PDS5A: variants seen among roughly 807,000 people sequenced by gnomAD.
PDS5A encodes PDS5 cohesin associated factor A.
PDS5A carries 42 observed loss-of-function variants against 167.1 expected under a neutral mutation model. That is an observed-to-expected ratio of 0.25 (90% confidence interval 0.20 to 0.33). The LOEUF (loss-of-function observed/expected upper bound fraction) is 0.33, where lower values mean the gene tolerates loss of function less well. PDS5A is among the 10% of genes least tolerant of loss of function. PDS5A has a pLI of 1.00. For synonymous variants in PDS5A, 553 were observed against 554.6 expected, an observed-to-expected ratio of 1.00 and a Z score of 0.04; for missense variants, 1,033 against 1,605.9, an observed-to-expected ratio of 0.64 and a Z score of 6.10.
chr4:39,944,415 G>T (rs759710658), intron 2 of PDS5A, among the ~76,000 whole-genome samples: 2 of 151,816 alleles, frequency 1.3e-5, no homozygotes, highest in Admixed American at 6.6e-5. Context: ...AGAGTGTGGC[G>T]GGGCACAGTG....
chr4:39,933,473 T>C (rs1726280690), intron 2 of PDS5A: 1 of 152,182 alleles, frequency 6.6e-6, no homozygotes, highest in African/African-American at 2.4e-5. Context: ...GCATATATTT[T>C]TACCTACGAG....
intron 2 of PDS5A, chr4:39,936,728 C>A (rs146186778): frequency 1.3e-5 from 2 of 152,072 alleles, no homozygotes; most frequent in African/African-American, 4.8e-5. Flanking sequence ...AACCACTGCA[C>A]CTGGCCTGAA....
chr4:39,970,163 C>A (rs188732002), intron 2 of PDS5A, among the ~76,000 whole-genome samples: 24 of 151,864 alleles, frequency 1.6e-4, no homozygotes, highest in Non-Finnish European at 2.1e-4. Context: ...AATGTAGAAC[C>A]TTAAAGGCTT....
At chr4:39,920,962 T>C (rs1487508537) in intron 6 of PDS5A, among the ~76,000 whole-genome samples, 2 of 152,226 alleles carry the variant, frequency 1.3e-5, no homozygotes, top group East Asian at 3.9e-4. Context: ...CCTTAGAAAA[T>C]ATATTATTTA....
Position 39,862,909 on chromosome 4 carries a change from A to G in PDS5A, c.2931T>C (p.Ser977=), listed in dbSNP as rs1011690793. The change falls in exon 25 of 33, where the codon AGT becomes AGC. Residue 977 remains serine, a synonymous_variant. Transcript: ENST00000303538. ...HARQCLLKNI[S]IRREYIKQNP... ...TCTGCTTAATGTATTCCCTGCGTAT[A>G]CTGATATTTTTCAGTAAACATTGTC... 6.2e-7 allele frequency: 1 copy of G among 1,612,126 alleles called. No individual in the cohort carries two copies. Among genetic ancestry groups the G allele is most frequent in the South Asian group, 1.1e-5 (1 of 91,072 alleles).
chr4:39,976,289 C>G (rs571689598), intron 2 of PDS5A, 151 bp downstream of exon 2: 5 of 566,044 alleles, frequency 8.8e-6, no homozygotes, highest in African/African-American at 1.8e-5. Flanking sequence ...AAAACTCACT[C>G]AAAGATGTTA....
At chr4:39,874,499 G>A in intron 19 of PDS5A, 87 bp from the exon 20 acceptor site, 1 of 1,069,624 alleles carries the variant, frequency 9.3e-7, no homozygotes, top group Non-Finnish European at 1.4e-6. Flanking sequence ...CCCCTATATG[G>A]ATGGATGCTA....
chr4:39,878,273 G>T (rs946416785), intron 18 of PDS5A, among the ~76,000 whole-genome samples: 2 of 152,088 alleles, frequency 1.3e-5, no homozygotes, highest in Non-Finnish European at 2.9e-5. Flanking sequence ...ACAGAAAATT[G>T]GAGAATTAAA....
At chr4:39,880,334 T>G (rs1446274644) in intron 17 of PDS5A, among the ~76,000 whole-genome samples, 1 of 152,186 alleles carries the variant, frequency 6.6e-6, no homozygotes, top group Non-Finnish European at 1.5e-5. Context: ...TTTATAAAGA[T>G]TCATTAATTA....
intron 5 of PDS5A, among the ~76,000 whole-genome samples, chr4:39,923,829 A>G (rs961159858): frequency 1.3e-5 from 2 of 152,162 alleles, no homozygotes; most frequent in Non-Finnish European, 2.9e-5. Context: ...TCAAACTAAG[A>G]TAAAAACCTA....
At chr4:39,924,842 T>C (rs1725308110) in intron 5 of PDS5A, among the ~76,000 whole-genome samples, 1 of 152,232 alleles carries the variant, frequency 6.6e-6, no homozygotes. Flanking sequence ...CTGGGTGTGG[T>C]AGCTCACACC....
intron 2 of PDS5A, among the ~76,000 whole-genome samples, chr4:39,929,267 G>C (rs952872278): frequency 2.0e-5 from 3 of 151,814 alleles, no homozygotes; most frequent in Non-Finnish European, 4.4e-5. Context: ...CAGTGGGCTG[G>C]GGAAGGCAGG....
At position 39,900,461 on chromosome 4, in the gene PDS5A, C is replaced by T; in HGVS notation, c.1546G>A (p.Val516Ile). 1 of 1,584,880 alleles carries T rather than the reference C, an allele frequency of 6.3e-7. No homozygotes were observed. ...WKCQNMLRSH[V>I]RELLDLHKQP... ...TTGTGCAAATCCAATAGTTCGCGTA[C>T]ATGGCTCCGAAGCATGTTCTGACAC... Residue 516 changes from valine to isoleucine, a missense_variant, in exon 14 of 33, where the codon GTA becomes ATA. Around this residue, in one of 4 missense-constraint regions of PDS5A, gnomAD observed 45 missense variants for 40.2 expected, o/e 1.12. Transcript: ENST00000303538.
chr4:39,844,444 T>C (rs1450559028), intron 30 of PDS5A, among the ~76,000 whole-genome samples: 5 of 144,012 alleles, frequency 3.5e-5, no homozygotes, highest in African/African-American at 1.0e-4. Context: ...CATTGCACTC[T>C]AGCCTGGGCG....
rs1158275515 is a variant in PDS5A, at chr4:39,976,503, G to A, written c.75C>T (p.Tyr25=). ...GVVSADGKIA[Y]PPGVKEITDK... is the part of the protein sequence containing the mutation. ...CGGTGATCTCTTTTACCCCCGGAGG[G>A]TAAGCGATCTTCCCGTCGGCACTCA... The change falls in exon 2 of 33, where the codon TAC becomes TAT. Residue 25 remains tyrosine, a synonymous_variant. Coordinates refer to ENST00000303538, the MANE Select transcript of PDS5A (RefSeq NM_001100399.2). 4 of 1,613,212 alleles carry A rather than the reference G, an allele frequency of 2.5e-6. No individual in the cohort carries two copies. Among genetic ancestry groups the A allele is most frequent in the African/African-American group, 2.7e-5 (2 of 74,888 alleles).
At chr4:39,845,292 C>CTAGG (rs1374600360) in intron 29 of PDS5A, among the ~76,000 whole-genome samples, 1 of 152,090 alleles carries the variant, frequency 6.6e-6, no homozygotes, top group African/African-American at 2.4e-5. Flanking sequence ...TTAATAATAA[C>CTAGG]TAGGTAATAT....
At chr4:39,957,386 T>C (rs1049514602) in intron 2 of PDS5A, among the ~76,000 whole-genome samples, 14 of 152,088 alleles carry the variant, frequency 9.2e-5, no homozygotes, top group African/African-American at 3.4e-4. Context: ...ATTAAGTACA[T>C]AAAATGTTGC....
intron 2 of PDS5A, chr4:39,973,405 T>C: frequency 2.5e-6 from 4 of 1,577,710 alleles, no homozygotes; most frequent in South Asian, 1.1e-5. Context: ...AGCATATTTA[T>C]ACTGTGGAAC....
intron 31 of PDS5A, 128 bp from the exon 32 acceptor site, chr4:39,838,336 T>TGTGATGTAAG: frequency 1.5e-6 from 1 of 674,952 alleles, no homozygotes; most frequent in Non-Finnish European, 2.5e-6. Flanking sequence ...ACTGCTTACA[T>TGTGATGTAAG]CACATTAGGA....
Sources: allele counts gnomAD v4.1 joint callset (sites outside exome capture counted in the v4.1 genomes callset), GRCh38; gene constraint gnomAD v4.1.1; regional missense constraint gnomAD v4.1.1; transcripts MANE v1.5; gene names NCBI Gene and HGNC (gene_info 2026-07-23, HGNC 2026-07-21).